The following ITPR3 variants were observed in gnomAD, a reference collection of about 807,000 sequenced individuals.
ITPR3 encodes inositol 1,4,5-trisphosphate-gated calcium channel ITPR3.
ITPR3 carries 173 observed loss-of-function variants against 293.2 expected under a neutral mutation model. The observed-to-expected ratio is 0.59, with a 90% CI of 0.52 to 0.67. The LOEUF (loss-of-function observed/expected upper bound fraction) is 0.67. ITPR3 is among the 30% of genes least tolerant of loss of function. The probability of loss-of-function intolerance (pLI) is 0.00; values close to 1 mark genes in which losing one functional copy is unlikely to be tolerated. For missense variants in ITPR3, 2,796 were observed against 3,592.1 expected (o/e 0.78, Z 5.66); for synonymous variants, 1,295 against 1,444.4 (o/e 0.90, Z 2.35).
At chr6:33,680,804 T>G (rs1022345989) in intron 33 of ITPR3, 124 bp downstream of exon 33, 1 of 1,029,662 alleles carries the variant, frequency 9.7e-7, no homozygotes, top group East Asian at 2.7e-5. Context: ...AAAGGATACA[T>G]AAGTGTATTG....
chr6:33,688,871 T>C (rs1392306553), intron 49 of ITPR3, 90 bp downstream of exon 49: 1 of 1,541,824 alleles, frequency 6.5e-7, no homozygotes, highest in Admixed American at 1.7e-5. Context: ...AGCTGGCCTC[T>C]GAGGGCACCA....
At chr6:33,626,143 C>T (rs34213779) in intron 1 of ITPR3, among the ~76,000 whole-genome samples, 13,473 of 152,218 alleles carry the variant, frequency 0.089, 616 homozygotes, top group Non-Finnish European at 0.1. Context: ...CCTTGCTGCC[C>T]AAGCTAATCT....
Position 33,683,997 on chromosome 6 carries a change from T to C in ITPR3, c.4789-23T>C, listed in dbSNP as rs768603028. The C allele has an allele frequency of 3.2e-6, 5 of 1,571,632 alleles. No homozygotes were observed. The highest frequency in any genetic ancestry group is 1.7e-6 in the Non-Finnish European group (2 of 1,157,144). ...CCGGGTCATTTCTTGGGCCTGGCAA[T>C]GACTCTGCCCTGCCCACCCCAGGAC... On this transcript the variant is annotated intron_variant, in intron 35 of 57. Coordinates refer to ENST00000605930, the MANE Select transcript of ITPR3 (RefSeq NM_002224.4). This position sits in a 1 kb window ranked among gnomAD's most constrained non-coding sequence, Gnocchi z 4.5.
At chr6:33,678,977 C>A in intron 30 of ITPR3, 138 bp downstream of exon 30, 1 of 863,952 alleles carries the variant, frequency 1.2e-6, no homozygotes, top group Non-Finnish European at 1.8e-6. Flanking sequence ...ATGGAGGGGA[C>A]GCAGAGGGAG....
At chr6:33,644,521 A>C (rs996421384) in intron 2 of ITPR3, among the ~76,000 whole-genome samples, 8 of 151,588 alleles carry the variant, frequency 5.3e-5, no homozygotes, top group Non-Finnish European at 7.4e-5. Flanking sequence ...AGAGGTAAAC[A>C]CTTGTCAGAA....
At chr6:33,681,013 G>A (rs1765061839) in intron 33 of ITPR3, among the ~76,000 whole-genome samples, 1 of 151,966 alleles carries the variant, frequency 6.6e-6, no homozygotes, top group South Asian at 2.1e-4. Context: ...TAGAGACAGG[G>A]TTTCACCGTG....
intron 28 of ITPR3, 36 bp downstream of exon 28, chr6:33,677,665 G>A (rs1420947935): frequency 6.2e-7 from 1 of 1,607,686 alleles, no homozygotes; most frequent in Non-Finnish European, 8.5e-7. Context: ...TCCCCAGGGT[G>A]GCTTCCCCCT....
chr6:33,673,922 C>T (rs1764837295), intron 23 of ITPR3, among the ~76,000 whole-genome samples: 1 of 152,238 alleles, frequency 6.6e-6, no homozygotes, highest in Non-Finnish European at 1.5e-5. Flanking sequence ...AACTGAGGCT[C>T]ACAGAACAGC....
chr6:33,639,986 C>T (rs1018858141), intron 1 of ITPR3, among the ~76,000 whole-genome samples: 5 of 152,118 alleles, frequency 3.3e-5, no homozygotes, highest in African/African-American at 1.2e-4. Flanking sequence ...TTTGGTGTCT[C>T]CTGTGCTTCT....
chr6:33,680,290 G>A (rs750022489), intron 31 of ITPR3, 39 bp from the exon 32 acceptor site: 33 of 1,594,102 alleles, frequency 2.1e-5, no homozygotes, highest in Non-Finnish European at 2.3e-5. Context: ...CTGGCCAGGC[G>A]GCCCTGCTTG....
At position 33,684,536 on chromosome 6, in the gene ITPR3, T is replaced by C; in HGVS notation, c.5047-62T>C. 2 of 1,606,188 alleles carry C rather than the reference T, an allele frequency of 1.2e-6. No individual in the cohort carries two copies. The highest frequency in any genetic ancestry group is 1.7e-6 in the Non-Finnish European group (2 of 1,172,926). On this transcript the variant is annotated intron_variant, in intron 37 of 57. Coordinates refer to ENST00000605930, the MANE Select transcript of ITPR3 (RefSeq NM_002224.4). The surrounding 1 kb of genome is among the most constrained non-coding windows in gnomAD (Gnocchi z 4.2). ...ACCCAGGGGCTCAGGGTCAAGCCCG[T>C]CAGGCCAGTGGTCAGTGGTGGGCTG...
chr6:33,647,139 C>T (rs770001609), intron 2 of ITPR3, among the ~76,000 whole-genome samples: 2 of 152,064 alleles, frequency 1.3e-5, no homozygotes, highest in African/African-American at 2.4e-5. Flanking sequence ...TCCTGCCTCA[C>T]CTTCCAGAGC....
Position 33,686,998 on chromosome 6 carries a change from C to T in ITPR3, c.5980-11C>T. ...AGACTGTGGCCTGCCTCCCTCTGCC[C>T]CTCCACCCAGGACAATGCCTCCAAG... is the stretch of plus-strand genomic sequence containing the variant. On this transcript the variant is annotated splice_polypyrimidine_tract_variant and intron_variant, in intron 43 of 57. Transcript: ENST00000605930. The T allele has an allele frequency of 1.2e-6, 2 of 1,611,036 alleles. No individual in the cohort carries two copies. The highest frequency in any genetic ancestry group is 1.7e-4 in the Middle Eastern group (1 of 6,050).
Position 33,638,790 on chromosome 6 carries a change from G to A in ITPR3, c.90-1694G>A, listed in dbSNP as rs1444223850. Among the ~76,000 whole-genome samples, 8 of 152,230 alleles carry A rather than the reference G, an allele frequency of 5.3e-5. No individual in the cohort carries two copies. Among genetic ancestry groups the A allele is most frequent in the African/African-American group, 1.2e-4 (5 of 41,460 alleles). On this transcript the variant is annotated intron_variant, in intron 1 of 57. Coordinates refer to ENST00000605930, the MANE Select transcript of ITPR3 (RefSeq NM_002224.4). This position sits in a 1 kb window ranked among gnomAD's most constrained non-coding sequence, Gnocchi z 4.3. ...GTGTAGACACAGCAAGTCAAGAAGTGGGGAGAGACACTGCCAGGACCAGGT... is the reference window on the plus strand; with the variant it reads ...GTGTAGACACAGCAAGTCAAGAAGTAGGGAGAGACACTGCCAGGACCAGGT...
intron 2 of ITPR3, among the ~76,000 whole-genome samples, chr6:33,644,287 C>CTTT (rs541840395): frequency 4.1e-5 from 6 of 145,584 alleles, no homozygotes; most frequent in African/African-American, 1.0e-4. Flanking sequence ...GATCTTTTTA[C>CTTT]TTTTTTTTTT....
At chr6:33,680,276 G>C in intron 31 of ITPR3, 53 bp from the exon 32 acceptor site, 18 of 1,583,458 alleles carry the variant, frequency 1.1e-5, no homozygotes, top group Non-Finnish European at 1.5e-5. Flanking sequence ...GTGGCAGGGA[G>C]AGCCTGGCCA....
intron 2 of ITPR3, among the ~76,000 whole-genome samples, chr6:33,653,054 T>G (rs1443199389): frequency 6.6e-6 from 1 of 152,134 alleles, no homozygotes; most frequent in Non-Finnish European, 1.5e-5. Flanking sequence ...ACTACAGGCA[T>G]GTACCACCAT....
At chr6:33,642,982 T>A (rs1029923842) in intron 2 of ITPR3, among the ~76,000 whole-genome samples, 4 of 152,128 alleles carry the variant, frequency 2.6e-5, no homozygotes, top group South Asian at 2.1e-4. Flanking sequence ...GGCTGGCGAG[T>A]ACAAGTTGGG....
intron 31 of ITPR3, 97 bp from the exon 32 acceptor site, chr6:33,680,232 G>A: frequency 6.4e-7 from 1 of 1,574,406 alleles, no homozygotes; most frequent in Non-Finnish European, 8.6e-7. Context: ...CCAGGGAAGT[G>A]GGCAGGAACC....
Sources: allele counts gnomAD v4.1 joint callset (sites outside exome capture counted in the v4.1 genomes callset), GRCh38; gene constraint gnomAD v4.1.1; non-coding constraint Gnocchi (gnomAD v3.1); transcripts MANE v1.5; gene names NCBI Gene and HGNC (gene_info 2026-07-23, HGNC 2026-07-21).